The following COL21A1 variants were observed in gnomAD, a reference collection of about 807,000 sequenced individuals.
COL21A1 encodes collagen type XXI alpha 1 chain.
COL21A1 carries 149 observed loss-of-function variants against 137.9 expected under a neutral mutation model. The ratio of observed to expected loss-of-function variants is 1.08; its 90% confidence interval spans 0.95 to 1.24. COL21A1 has a LOEUF of 1.24. Ranked by LOEUF, COL21A1 falls within the 50% of genes most tolerant of loss-of-function variation. The pLI, the probability that COL21A1 is intolerant of heterozygous loss-of-function variation, is 0.00. For synonymous variants in COL21A1, 456 were observed against 391.5 expected (o/e 1.16, Z -1.95); for missense variants, 1,167 against 1,158.4 (o/e 1.01, Z -0.11).
chr6:56,219,496 C>T (rs956913955), intron 1 of COL21A1, among the ~76,000 whole-genome samples: 5 of 152,012 alleles, frequency 3.3e-5, no homozygotes, highest in African/African-American at 7.2e-5. Context: ...TTGCTTCATT[C>T]GCCTTATTCA....
intron 17 of COL21A1, among the ~76,000 whole-genome samples, chr6:56,101,148 A>C (rs946171648): frequency 7.9e-5 from 12 of 152,212 alleles, no homozygotes; most frequent in African/African-American, 2.9e-4. Flanking sequence ...AGAGTATACT[A>C]TGAAACAATA....
intron 6 of COL21A1, 48 bp from the exon 7 acceptor site, chr6:56,167,031 G>A: frequency 7.2e-7 from 1 of 1,385,810 alleles, no homozygotes; most frequent in Non-Finnish European, 1.0e-6. Flanking sequence ...CAAGCTAATT[G>A]TTTTATAAGA....
At chr6:56,099,545 T>C (rs898139276) in intron 17 of COL21A1, among the ~76,000 whole-genome samples, 1 of 151,992 alleles carries the variant, frequency 6.6e-6, no homozygotes, top group African/African-American at 2.4e-5. Context: ...CTTCACATCC[T>C]AAATTATATC....
At chr6:56,195,693 A>G (rs560209145) in intron 1 of COL21A1, among the ~76,000 whole-genome samples, 1 of 152,254 alleles carries the variant, frequency 6.6e-6, no homozygotes, top group East Asian at 1.9e-4. Flanking sequence ...ATGAAATACA[A>G]AATCCTAACA....
At chr6:56,088,277 T>A (rs980063973) in intron 17 of COL21A1, among the ~76,000 whole-genome samples, 2 of 152,048 alleles carry the variant, frequency 1.3e-5, no homozygotes, top group African/African-American at 4.8e-5. Context: ...AGCAGGAGAA[T>A]TGCTTGACCC....
At chr6:56,076,791 A>C (rs1355496616) in intron 18 of COL21A1, among the ~76,000 whole-genome samples, 4 of 151,504 alleles carry the variant, frequency 2.6e-5, no homozygotes, top group Non-Finnish European at 4.4e-5. Flanking sequence ...GAATTCCAGA[A>C]ACAGAGAATG....
intron 10 of COL21A1, among the ~76,000 whole-genome samples, chr6:56,154,522 C>G (rs996569045): frequency 6.6e-6 from 1 of 152,106 alleles, no homozygotes; most frequent in African/African-American, 2.4e-5. Flanking sequence ...GCTAGCAATT[C>G]TAGTCAGCTT....
chr6:56,320,173 C>T (rs905185325), intron 1 of COL21A1, among the ~76,000 whole-genome samples: 7 of 152,138 alleles, frequency 4.6e-5, no homozygotes, highest in African/African-American at 1.7e-4. Flanking sequence ...CTCCATCCTT[C>T]GAAGGTCCAA....
Position 56,141,669 on chromosome 6 carries a change from A to G in COL21A1, c.1542+116T>C, listed in dbSNP as rs560694647. 5.2e-5 allele frequency: 57 copies of G among 1,091,428 alleles called. 1 individual carries two copies. The South Asian group carries it at 7.2e-4, about 14-fold the overall frequency. 67.6% of individuals were successfully genotyped at this position (1,091,428 alleles called of 1,614,324 possible). A position where few individuals can be genotyped will look rare whatever the true frequency, so the allele number is the denominator to read the frequency against. ...TCTAATAGCCACTGACAAATTTCTG[A>G]GCCCACAAATCTTAGAATTCACCAA... is the stretch of plus-strand genomic sequence containing the variant. On this transcript the variant is annotated intron_variant, in intron 12 of 29. Transcript: ENST00000244728.
Position 56,074,286 on chromosome 6 carries a change from C to T in COL21A1, c.1912-1G>A. The stretch of plus-strand genomic sequence containing the variant: ...GTGAGCCATTGCTTCCCATTAAACC[C>T]TACAATTTTAAAAAGGAATTTCAAG... On this transcript the variant is annotated splice_acceptor_variant, in intron 19 of 29. Transcript: ENST00000244728. LOFTEE classifies it high-confidence loss of function. 6.4e-7 allele frequency: 1 copy of T among 1,571,058 alleles called. No individual in the cohort carries two copies. Among genetic ancestry groups the T allele is most frequent in the Non-Finnish European group, 8.6e-7 (1 of 1,159,070 alleles).
chr6:56,173,431 GA>G (rs1008808373), intron 3 of COL21A1, among the ~76,000 whole-genome samples: 6 of 150,724 alleles, frequency 4.0e-5, no homozygotes, highest in Non-Finnish European at 8.9e-5. Context: ...GGGAAGGGGG[GA>G]AAAGGGAAAA....
chr6:56,181,605 A>C (rs1348263461), intron 2 of COL21A1, among the ~76,000 whole-genome samples: 1 of 152,260 alleles, frequency 6.6e-6, no homozygotes, highest in South Asian at 2.1e-4. Context: ...CATGTATTTC[A>C]TAACTGTAAA....
At chr6:56,083,526 CTT>C (rs1767972718) in intron 17 of COL21A1, among the ~76,000 whole-genome samples, 1 of 151,894 alleles carries the variant, frequency 6.6e-6, no homozygotes, top group South Asian at 2.1e-4. Context: ...TACAAAATCT[CTT>C]TGCTGTGGAA....
At chr6:56,393,876 A>G (rs768424542) in intron 1 of COL21A1, 2 of 152,224 alleles carry the variant, frequency 1.3e-5, no homozygotes, top group Non-Finnish European at 2.9e-5. Context: ...TGACTTAGAG[A>G]GCGGTGGGAA....
intron 1 of COL21A1, among the ~76,000 whole-genome samples, chr6:56,270,338 C>T (rs1335009808): frequency 6.6e-6 from 1 of 152,160 alleles, no homozygotes; most frequent in Admixed American, 6.5e-5. Context: ...TTACATGACA[C>T]AAAAGATCCA....
chr6:56,177,777 G>C (rs1434900258), intron 3 of COL21A1, among the ~76,000 whole-genome samples: 1 of 132,230 alleles, frequency 7.6e-6, no homozygotes, highest in African/African-American at 3.0e-5. Flanking sequence ...GGGTGACAGA[G>C]CGAGACTCTG....
At chr6:56,145,620 G>GA (rs934837821) in intron 10 of COL21A1, among the ~76,000 whole-genome samples, 4 of 151,186 alleles carry the variant, frequency 2.6e-5, no homozygotes, top group Admixed American at 2.0e-4. Flanking sequence ...CTTAAAACAG[G>GA]AAAAAATAAG....
chr6:56,284,869 A>G (rs1763868215), intron 1 of COL21A1, among the ~76,000 whole-genome samples: 1 of 152,296 alleles, frequency 6.6e-6, no homozygotes, highest in Non-Finnish European at 1.5e-5. Flanking sequence ...TCCTGGGTCC[A>G]TGGACATGGT....
At chr6:56,336,025 C>T (rs1765324183) in intron 1 of COL21A1, among the ~76,000 whole-genome samples, 1 of 152,192 alleles carries the variant, frequency 6.6e-6, no homozygotes, top group Non-Finnish European at 1.5e-5. Flanking sequence ...ACAGACAAGG[C>T]TAATAACAGC....
Sources: allele counts gnomAD v4.1 joint callset (sites outside exome capture counted in the v4.1 genomes callset), GRCh38; gene constraint gnomAD v4.1.1; transcripts MANE v1.5; gene names NCBI Gene and HGNC (gene_info 2026-07-23, HGNC 2026-07-21).